NTM: variants seen among roughly 807,000 people sequenced by gnomAD.
The protein encoded by NTM is neurotrimin.
NTM carries 13 observed loss-of-function variants against 42.1 expected under a neutral mutation model. That is an observed-to-expected ratio of 0.31 (90% CI 0.20 to 0.49). NTM has a LOEUF of 0.49. Ranked by LOEUF, NTM falls within the 20% of genes least tolerant of loss-of-function variation. The pLI is 0.99. For synonymous variants in NTM, 187 were observed against 179.2 expected (o/e 1.04, Z -0.35); for missense variants, 373 against 452.8 (o/e 0.82, Z 1.60).
At chr11:132,014,076 G>A (rs1426760062) in intron 2 of NTM, among the ~76,000 whole-genome samples, 3 of 151,694 alleles carry the variant, frequency 2.0e-5, no homozygotes, top group South Asian at 4.2e-4. Flanking sequence ...CACATCCTTC[G>A]GTAATAATCA....
At chr11:131,911,228 C>A in intron 1 of NTM, 1 of 1,394,604 alleles carries the variant, frequency 7.2e-7, no homozygotes, top group Non-Finnish European at 9.3e-7. Context: ...GCGGAAGCAG[C>A]GAGGAGGGAG....
chr11:132,223,042 G>T (rs1592326577), intron 4 of NTM, among the ~76,000 whole-genome samples: 2 of 152,146 alleles, frequency 1.3e-5, no homozygotes, highest in African/African-American at 4.8e-5. Flanking sequence ...TATTTATTTC[G>T]ACACACACCA....
At chr11:132,265,599 G>T (rs1438594360) in intron 4 of NTM, among the ~76,000 whole-genome samples, 1 of 152,182 alleles carries the variant, frequency 6.6e-6, no homozygotes, top group African/African-American at 2.4e-5. Context: ...GAATCTAGGG[G>T]CTTATGGAAT....
At chr11:132,229,479 G>T (rs564014434) in intron 4 of NTM, among the ~76,000 whole-genome samples, 7 of 152,254 alleles carry the variant, frequency 4.6e-5, no homozygotes, top group African/African-American at 1.4e-4. Context: ...TTTTTGGCTA[G>T]AATCCATATA....
intron 1 of NTM, among the ~76,000 whole-genome samples, chr11:131,831,465 C>A (rs865912934): frequency 1.3e-5 from 2 of 152,088 alleles, no homozygotes; most frequent in African/African-American, 4.8e-5. Context: ...TTAGCCTATG[C>A]CGTCCACACA....
chr11:131,739,471 G>A (rs1292619970), intron 1 of NTM, among the ~76,000 whole-genome samples: 19 of 152,164 alleles, frequency 1.2e-4, no homozygotes, highest in Admixed American at 1.2e-3. Context: ...CCAGCATAGT[G>A]AGAAAGGTTT....
chr11:131,642,012 A>G (rs1252528192), intron 1 of NTM, among the ~76,000 whole-genome samples: 2 of 152,186 alleles, frequency 1.3e-5, no homozygotes, highest in Admixed American at 1.3e-4. Flanking sequence ...GGCATGAGCC[A>G]CTGTGCCCGG....
chr11:132,276,957 T>C (rs1167737474), intron 4 of NTM, among the ~76,000 whole-genome samples: 1 of 152,212 alleles, frequency 6.6e-6, no homozygotes, highest in African/African-American at 2.4e-5. Context: ...TATTCCACTA[T>C]GTTGTTGCTA....
At chr11:131,745,116 C>T (rs2081649187) in intron 1 of NTM, among the ~76,000 whole-genome samples, 1 of 152,342 alleles carries the variant, frequency 6.6e-6, no homozygotes, top group South Asian at 2.1e-4. Context: ...CTGACTTGCT[C>T]TCTGATTGAT....
intron 2 of NTM, among the ~76,000 whole-genome samples, chr11:132,083,618 G>A (rs975173772): frequency 6.6e-6 from 1 of 152,196 alleles, no homozygotes; most frequent in South Asian, 2.1e-4. Context: ...CCTGTAAGGG[G>A]ACTGTGTAGA....
intron 1 of NTM, among the ~76,000 whole-genome samples, chr11:131,479,889 AT>A (rs559572686): frequency 7.7e-4 from 117 of 151,924 alleles, no homozygotes; most frequent in African/African-American, 2.5e-3. Flanking sequence ...ATTTTGATAA[AT>A]TTTTTTTTAA....
chr11:131,745,621 C>G (rs1166989899), intron 1 of NTM, among the ~76,000 whole-genome samples: 1 of 152,110 alleles, frequency 6.6e-6, no homozygotes, highest in East Asian at 1.9e-4. Context: ...CTCATCACTT[C>G]CTGAGTTGCT....
At chr11:131,389,288 G>A (rs1041611422) in intron 1 of NTM, among the ~76,000 whole-genome samples, 3 of 152,216 alleles carry the variant, frequency 2.0e-5, no homozygotes, top group African/African-American at 7.2e-5. Flanking sequence ...GGACCTTGAT[G>A]CTGTGGCTGG....
chr11:131,862,103 G>A (rs992517203), intron 1 of NTM, among the ~76,000 whole-genome samples: 6 of 152,196 alleles, frequency 3.9e-5, no homozygotes, highest in African/African-American at 1.2e-4. Context: ...TGTGGGCAGA[G>A]CACGTGTGTT....
Position 131,443,478 on chromosome 11 carries a change from G to C in NTM, c.82+72590G>C, listed in dbSNP as rs756238099. Among the ~76,000 whole-genome samples the C allele has an allele frequency of 3.2e-4, 49 of 152,146 alleles. 1 individual carries two copies. The highest frequency in any genetic ancestry group is 5.7e-4 in the Non-Finnish European group (39 of 68,040). On this transcript the variant is annotated intron_variant, in intron 1 of 8. Transcript: ENST00000683400. ...TGAATCATCCAGAGAAGCCTGTCCT[G>C]CAAGTAGTGAGTACATGAGTCAAAC...
intron 4 of NTM, among the ~76,000 whole-genome samples, chr11:132,217,644 G>T (rs1348851426): frequency 6.6e-6 from 1 of 151,926 alleles, no homozygotes; most frequent in East Asian, 1.9e-4. Context: ...CATCTGCGTG[G>T]CCTACTCTCC....
intron 2 of NTM, among the ~76,000 whole-genome samples, chr11:132,006,179 A>T (rs2070736319): frequency 6.6e-6 from 1 of 152,196 alleles, no homozygotes; most frequent in Non-Finnish European, 1.5e-5. Context: ...AGTTGACAGA[A>T]ATCTACCTTG....
intron 1 of NTM, among the ~76,000 whole-genome samples, chr11:131,521,179 G>T (rs2049608908): frequency 6.6e-6 from 1 of 151,560 alleles, no homozygotes; most frequent in Admixed American, 6.6e-5. Context: ...GCCGGGCATG[G>T]TAGCATGTGC....
intron 1 of NTM, among the ~76,000 whole-genome samples, chr11:131,785,746 C>T (rs369495501): frequency 1.2e-4 from 19 of 152,248 alleles, no homozygotes; most frequent in South Asian, 4.2e-4. Flanking sequence ...CACAAGGTTA[C>T]GGTAATTTTT....
Sources: gnomAD v4.1 joint callset for allele counts (sites outside exome capture counted in the v4.1 genomes callset) on GRCh38, gnomAD v4.1.1 for gene constraint, MANE v1.5 for transcripts, NCBI Gene and HGNC (gene_info 2026-07-23, HGNC 2026-07-21) for gene names.